FAM32A: variants seen among roughly 807,000 people sequenced by gnomAD.
The protein encoded by FAM32A is protein FAM32A.
In FAM32A, 9 loss-of-function variants were observed where a neutral mutation model predicts 15.8. That is an observed-to-expected ratio of 0.57 (90% CI 0.34 to 1.00). The LOEUF (loss-of-function observed/expected upper bound fraction) is 1.00, where lower values mean the gene tolerates loss of function less well. Ranked by LOEUF, FAM32A falls within the 50% of genes least tolerant of loss-of-function variation. FAM32A has a pLI of 0.02. For missense variants in FAM32A, 113 were observed against 138.3 expected, an observed-to-expected ratio of 0.82 and a Z score of 0.92; for synonymous variants, 64 against 54.9, an observed-to-expected ratio of 1.16 and a Z score of -0.73.
intron 2 of FAM32A, among the ~76,000 whole-genome samples, chr19:16,188,026 G>A (rs1251222301): frequency 1.3e-5 from 2 of 152,202 alleles, no homozygotes; most frequent in Admixed American, 6.5e-5. Flanking sequence ...GATTACAGGC[G>A]TGAACCACCA....
At chr19:16,190,292 T>G (rs1369291494) in intron 2 of FAM32A, among the ~76,000 whole-genome samples, 1 of 152,192 alleles carries the variant, frequency 6.6e-6, no homozygotes, top group East Asian at 1.9e-4. Flanking sequence ...GGGTACGCGC[T>G]CAGGCATTGC....
At position 16,185,635 on chromosome 19, in the gene FAM32A, A is replaced by G. The variant is rs762081522; in HGVS notation, c.86A>G (p.Lys29Arg). 7 of 1,599,524 alleles carry G rather than the reference A, an allele frequency of 4.4e-6. No individual in the cohort carries two copies. The highest frequency in any genetic ancestry group is 3.5e-5 in the Admixed American group (2 of 57,826). The change falls in exon 2 of 4, where the codon AAG becomes AGG. Residue 29 changes from lysine to arginine, a missense_variant. Physicochemically the swap from Lys to Arg is conservative, Grantham distance 26 (BLOSUM62 2). Coordinates refer to ENST00000263384, the MANE Select transcript of FAM32A (RefSeq NM_014077.4). ...ELGVTKRKKK[K>R]KDKDKAKLLE... ...ATGTCTTTTTCCAGGAAGAAGAAAA[A>G]GAAGGACAAAGACAAAGCGAAACTC...
chr19:16,187,926 A>G (rs967592847), intron 2 of FAM32A, among the ~76,000 whole-genome samples: 4 of 151,612 alleles, frequency 2.6e-5, no homozygotes, highest in Non-Finnish European at 5.9e-5. Flanking sequence ...TTGTATTTTT[A>G]GTAGAGACGG....
chr19:16,191,055 C>T lies in FAM32A; in HGVS notation c.*100C>T, dbSNP rs2091404272. ...TATATTCTGGAAACATGGCTACACA[C>T]ACCCTTGCATCTTCTGCTACAGACT... On this transcript the variant is annotated 3_prime_UTR_variant, in exon 4 of 4. Coordinates refer to ENST00000263384, the MANE Select transcript of FAM32A (RefSeq NM_014077.4). 1 of 890,986 alleles carries T rather than the reference C, an allele frequency of 1.1e-6. No individual in the cohort carries two copies. Among genetic ancestry groups the T allele is most frequent in the Non-Finnish European group, 1.9e-6 (1 of 536,352 alleles). 55.2% of individuals were successfully genotyped at this position (890,986 alleles called of 1,614,324 possible). A position where few individuals can be genotyped will look rare whatever the true frequency, so the allele number is the denominator to read the frequency against.
At chr19:16,185,589 C>T (rs1228255626) in intron 1 of FAM32A, 35 bp from the exon 2 acceptor site, 1 of 1,595,132 alleles carries the variant, frequency 6.3e-7, no homozygotes, top group Non-Finnish European at 8.5e-7. Flanking sequence ...TGGCCCTGAT[C>T]CTCCGACCCG....
rs1023398986 is a variant in FAM32A at position 16,191,270 on chromosome 19, A to T, written c.*315A>T. On this transcript the variant is annotated 3_prime_UTR_variant, in exon 4 of 4. Coordinates refer to ENST00000263384, the MANE Select transcript of FAM32A (RefSeq NM_014077.4). The stretch of plus-strand genomic sequence containing the variant: ...GTAAAAATGTTTTCACCCGAGTTGC[A>T]TGTAACGCTCTGAGGCCAGCCAGCT... The T allele has an allele frequency of 3.9e-5, 14 of 358,686 alleles. No individual in the cohort carries two copies. In the Admixed American group the frequency reaches 3.9e-4, roughly 10 times the overall value. 22.2% of individuals were successfully genotyped at this position (358,686 alleles called of 1,614,324 possible).
chr19:16,185,578 C>G (rs1327644757), intron 1 of FAM32A, 46 bp from the exon 2 acceptor site: 1 of 1,590,230 alleles, frequency 6.3e-7, no homozygotes, highest in Admixed American at 1.8e-5. Flanking sequence ...CTCGGGACCC[C>G]TGGCCCTGAT....
At chr19:16,187,192 C>T (rs980668320) in intron 2 of FAM32A, 14 of 152,148 alleles carry the variant, frequency 9.2e-5, no homozygotes, top group African/African-American at 3.4e-4. Context: ...GCACTAAAGT[C>T]TGCCTCACAG....
At chr19:16,189,007 G>A (rs1016371963) in intron 2 of FAM32A, among the ~76,000 whole-genome samples, 1 of 149,590 alleles carries the variant, frequency 6.7e-6, no homozygotes. Flanking sequence ...TATAGCTGGT[G>A]CCTCAGTGCT....
Position 16,191,633 on chromosome 19 carries a change from C to G in FAM32A, c.*678C>G, listed in dbSNP as rs183960174. 2.8e-3 allele frequency: 432 copies of G among 152,770 alleles called. 1 individual carries two copies. The highest frequency in any genetic ancestry group is 4.9e-3 in the Non-Finnish European group (335 of 68,344). The allele number at this position is 152,770 out of a possible 1,614,324, so 9.5% of individuals were successfully genotyped here. The stretch of plus-strand genomic sequence containing the variant: ...ATGGGTGTTGCCATAGCAGACGCTG[C>G]TAATGCATCACAGCATTCTTTGAAA... On this transcript the variant is annotated 3_prime_UTR_variant, in exon 4 of 4. Coordinates refer to ENST00000263384, the MANE Select transcript of FAM32A (RefSeq NM_014077.4).
chr19:16,190,768 T>G (rs1358295054), intron 3 of FAM32A, 119 bp from the exon 4 acceptor site: 1 of 959,626 alleles, frequency 1.0e-6, no homozygotes, highest in Non-Finnish European at 1.7e-6. Context: ...AGGGTGAGTT[T>G]GAGAGGAGGG....
rs200056983 is a variant in FAM32A at position 16,190,845 on chromosome 19, T to G, written c.271-42T>G. On this transcript the variant is annotated intron_variant, in intron 3 of 3. Coordinates refer to ENST00000263384, the MANE Select transcript of FAM32A (RefSeq NM_014077.4). ...GTGCCACTTCTCCCCAGTACCCCAC[T>G]TGGGTCTGCGCTGACACCGGCCTTC... is the stretch of plus-strand genomic sequence containing the variant. The G allele has an allele frequency of 4.6e-5, 72 of 1,549,118 alleles. No individual in the cohort carries two copies. In the Admixed American group the frequency reaches 1.2e-3, roughly 25 times the overall value.
In FAM32A at chr19:16,190,877, A is replaced by G. The variant is rs1411147153; in HGVS notation, c.271-10A>G. The G allele has an allele frequency of 6.2e-7, 1 of 1,613,216 alleles. No homozygotes were observed. Among genetic ancestry groups the G allele is most frequent in the African/African-American group, 1.3e-5 (1 of 74,778 alleles). On this transcript the variant is annotated splice_polypyrimidine_tract_variant and intron_variant, in intron 3 of 3. Transcript: ENST00000263384. ...TGCGCTGACACCGGCCTTCTACTCC[A>G]CCTCCCCAGGACTTCAACAGACACC...
intron 2 of FAM32A, among the ~76,000 whole-genome samples, chr19:16,190,193 G>T (rs1309008713): frequency 1.3e-5 from 2 of 152,106 alleles, no homozygotes; most frequent in Non-Finnish European, 2.9e-5. Context: ...AACCCGCTCT[G>T]GGACTTTGTT....
chr19:16,187,868 C>T (rs192035499), intron 2 of FAM32A, among the ~76,000 whole-genome samples: 116 of 152,168 alleles, frequency 7.6e-4, no homozygotes, highest in Non-Finnish European at 1.4e-3. Context: ...GCCTTAGCCT[C>T]CTGAGTAGCT....
intron 1 of FAM32A, 45 bp from the exon 2 acceptor site, chr19:16,185,579 T>TG: frequency 6.3e-7 from 1 of 1,591,068 alleles, no homozygotes; most frequent in South Asian, 1.1e-5. Context: ...TCGGGACCCC[T>TG]GGCCCTGATC....
At chr19:16,190,289 C>T (rs17722868) in intron 2 of FAM32A, among the ~76,000 whole-genome samples, 14,772 of 152,142 alleles carry the variant, frequency 0.097, 872 homozygotes, top group East Asian at 0.31. Context: ...CATGGGTACG[C>T]GCTCAGGCAT....
intron 3 of FAM32A, 55 bp from the exon 4 acceptor site, chr19:16,190,832 C>T (rs1287324695): frequency 1.4e-6 from 2 of 1,460,948 alleles, no homozygotes; most frequent in African/African-American, 2.8e-5. Context: ...GCCACTTCTC[C>T]CCAGTACCCC....
intron 3 of FAM32A, 54 bp downstream of exon 3, chr19:16,190,627 C>A: frequency 7.1e-7 from 1 of 1,406,406 alleles, no homozygotes; most frequent in Non-Finnish European, 1.0e-6. Flanking sequence ...CCCAGCTGGG[C>A]CCAGAGGCTA....
Sources: gnomAD v4.1 joint callset for allele counts (sites outside exome capture counted in the v4.1 genomes callset) on GRCh38, gnomAD v4.1.1 for gene constraint, MANE v1.5 for transcripts, NCBI Gene and HGNC (gene_info 2026-07-23, HGNC 2026-07-21) for gene names.